ZNF462: variants seen among roughly 807,000 people sequenced by gnomAD.
ZNF462 encodes zinc finger PBX1-interacting protein.
In ZNF462, 10 loss-of-function variants were observed where a neutral mutation model predicts 201.9. That is an observed-to-expected ratio of 0.05 (90% confidence interval 0.03 to 0.08). ZNF462 has a LOEUF of 0.08. Ranked by LOEUF, ZNF462 falls within the 10% of genes least tolerant of loss-of-function variation. ZNF462 has a pLI of 1.00. For synonymous variants in ZNF462, 1,227 were observed against 1,193.3 expected, an observed-to-expected ratio of 1.03 and a Z score of -0.58; for missense variants, 2,523 against 3,168.3, an observed-to-expected ratio of 0.80 and a Z score of 4.89.
Position 106,925,289 on chromosome 9 carries a change from A to G in ZNF462, c.1377A>G (p.Glu459=), listed in dbSNP as rs1374190237. 1 of 1,614,194 alleles carries G rather than the reference A, an allele frequency of 6.2e-7. No homozygotes were observed. The highest frequency in any genetic ancestry group is 1.1e-5 in the South Asian group (1 of 91,074). The change falls in exon 3 of 13, where the codon GAA becomes GAG. Residue 459 remains glutamate, a synonymous_variant. Coordinates refer to ENST00000277225, the MANE Select transcript of ZNF462 (RefSeq NM_021224.6). This position sits in a 1 kb window ranked among gnomAD's most constrained non-coding sequence, Gnocchi z 7.9. ...GACGTAGCATCTCTCGTCACATAGAAAACATCCACTTATCTGGAAAGACAG... is the reference window on the plus strand; with the variant it reads ...GACGTAGCATCTCTCGTCACATAGAGAACATCCACTTATCTGGAAAGACAG... ...MHRRSISRHI[E]NIHLSGKTAV...
chr9:106,860,831 G>A (rs1054196814), upstream of ZNF462, among the ~76,000 whole-genome samples: 3 of 152,242 alleles, frequency 2.0e-5, no homozygotes, highest in South Asian at 6.2e-4. This position sits in a 1 kb window ranked among gnomAD's most constrained non-coding sequence, Gnocchi z 7.1. Context: ...GGGGCAGGAG[G>A]ACTTCCCTAG....
intron 7 of ZNF462, among the ~76,000 whole-genome samples, chr9:106,953,936 T>G (rs1831466446): frequency 6.6e-6 from 1 of 152,196 alleles, no homozygotes; most frequent in Non-Finnish European, 1.5e-5. Context: ...TGTTGTCTGC[T>G]TAGTCCTGAT....
In ZNF462 at chr9:106,880,487, G is replaced by A. The variant is rs1347276779; in HGVS notation, c.-31+17132G>A. Among the ~76,000 whole-genome samples the A allele has an allele frequency of 2.6e-5, 4 of 152,200 alleles. No individual in the cohort carries two copies. The highest frequency in any genetic ancestry group is 2.9e-5 in the Non-Finnish European group (2 of 68,026). On this transcript the variant is annotated intron_variant, in intron 1 of 12. Coordinates refer to ENST00000277225, the MANE Select transcript of ZNF462 (RefSeq NM_021224.6). This position sits in a 1 kb window ranked among gnomAD's most constrained non-coding sequence, Gnocchi z 4.1. ...GAAGTCCAAGGCTCCATTTCATCCC[G>A]TGTAAAACACTCATCTAAAATTAGC...
At chr9:106,861,680 A>AC (rs1827070422), upstream of ZNF462, among the ~76,000 whole-genome samples, 1 of 151,942 alleles carries the variant, frequency 6.6e-6, no homozygotes, top group Admixed American at 6.6e-5. Context: ...ATACTGTAGA[A>AC]CCCCCATCCC....
rs1465686040 is a variant in ZNF462 at position 106,917,346 on chromosome 9, G to A, written c.-30-6008G>A. ...ATCCTAAAATAAAAAGTAACCTGAA[G>A]GCTAGCATCCTTGGCCAGTAGGTGA... On this transcript the variant is annotated intron_variant, in intron 1 of 12. Transcript: ENST00000277225. This position sits in a 1 kb window ranked among gnomAD's most constrained non-coding sequence, Gnocchi z 4.5. 6.6e-6 allele frequency among the ~76,000 whole-genome samples: 1 copy of A among 152,144 alleles called. No homozygotes were observed. The highest frequency in any genetic ancestry group is 6.5e-5 in the Admixed American group (1 of 15,280).
intron 10 of ZNF462, among the ~76,000 whole-genome samples, chr9:106,995,095 GCTGCTTAACTGGCCAGCCACAAA>G (rs1564160784): frequency 3.5e-4 from 53 of 152,252 alleles, no homozygotes; most frequent in African/African-American, 1.2e-3. Context: ...GAGATTGACA[GCTGCTTAACTGGCCAGCCACAAA>G]GCTCTGAGCC....
chr9:107,007,750 G>A (rs998481841), intron 11 of ZNF462, among the ~76,000 whole-genome samples: 1 of 152,174 alleles, frequency 6.6e-6, no homozygotes, highest in Non-Finnish European at 1.5e-5. Flanking sequence ...AGGGCAGGAG[G>A]TGGCTTGCGT....
At chr9:106,903,713 G>T (rs1829152973) in intron 1 of ZNF462, among the ~76,000 whole-genome samples, 1 of 152,158 alleles carries the variant, frequency 6.6e-6, no homozygotes, top group Admixed American at 6.5e-5. Context: ...TTGCTTTAAA[G>T]TTTGTTTTGT....
At chr9:106,934,018 T>C (rs1407897583) in intron 5 of ZNF462, among the ~76,000 whole-genome samples, 1 of 152,202 alleles carries the variant, frequency 6.6e-6, no homozygotes, top group African/African-American at 2.4e-5. Flanking sequence ...TAATTTAAAT[T>C]GCTGGTAAAA....
chr9:106,918,761 C>T (rs1413890151), intron 1 of ZNF462, among the ~76,000 whole-genome samples: 2 of 152,138 alleles, frequency 1.3e-5, no homozygotes, highest in Non-Finnish European at 1.5e-5. Context: ...GATCTTTAGT[C>T]TCTTGATTTT....
In ZNF462 at chr9:106,929,248, A is replaced by G; in HGVS notation, c.5336A>G (p.Lys1779Arg). ...TTGTGCTCTTTCCAGTCGTTCAGCA[A>G]GAAGGGCATCGTGTCCCATTACATG... ...CSLCSFQSFS[K>R]KGIVSHYMKR... is the part of the protein sequence containing the mutation. The change falls in exon 3 of 13, where the codon AAG becomes AGG. Residue 1779 changes from lysine to arginine, a missense_variant. Lys to Arg is a conservative substitution (Grantham distance 26). Transcript: ENST00000277225. This position sits in a 1 kb window ranked among gnomAD's most constrained non-coding sequence, Gnocchi z 8.7. 2 of 1,614,202 alleles carry G rather than the reference A, an allele frequency of 1.2e-6. No individual in the cohort carries two copies. Among genetic ancestry groups the G allele is most frequent in the Non-Finnish European group, 1.7e-6 (2 of 1,180,038 alleles).
At position 106,923,688 on chromosome 9, in the gene ZNF462, C is replaced by T. The variant is rs185367514; in HGVS notation, c.220+85C>T. ...GCCTGTAGCCATGGTTCTTAATATA[C>T]GTGGCTTTTGCAGAGTTTCTTGTGC... On this transcript the variant is annotated intron_variant, in intron 2 of 12. Transcript: ENST00000277225. This position sits in a 1 kb window ranked among gnomAD's most constrained non-coding sequence, Gnocchi z 5.6. 58 of 1,432,662 alleles carry T rather than the reference C, an allele frequency of 4.0e-5. No homozygotes were observed. The highest frequency in any genetic ancestry group is 1.8e-4 in the Admixed American group (10 of 54,664). The allele number at this position is 1,432,662 out of a possible 1,614,324, so 88.7% of individuals were successfully genotyped here.
At chr9:106,862,460 C>T (rs75128206), upstream of ZNF462, among the ~76,000 whole-genome samples, 680 of 152,192 alleles carry the variant, frequency 4.5e-3, 26 homozygotes, top group East Asian at 0.091. This position sits in a 1 kb window ranked among gnomAD's most constrained non-coding sequence, Gnocchi z 4.2. Context: ...CGCCTCGGCC[C>T]GGCGGCCGCG....
At chr9:106,908,926 TATATATA>T (rs1564090732) in intron 1 of ZNF462, among the ~76,000 whole-genome samples, 1 of 34,492 alleles carries the variant, frequency 2.9e-5, no homozygotes, top group African/African-American at 1.8e-4. Context: ...TATATATATA[TATATATA>T]TATATATATT....
chr9:106,900,142 T>C (rs988801850), intron 1 of ZNF462, among the ~76,000 whole-genome samples: 10 of 151,996 alleles, frequency 6.6e-5, no homozygotes, highest in African/African-American at 2.2e-4. Flanking sequence ...GTCTCCAGTC[T>C]TATCCAGGTC....
At chr9:106,943,462 T>G (rs1043162525) in intron 7 of ZNF462, among the ~76,000 whole-genome samples, 2 of 152,218 alleles carry the variant, frequency 1.3e-5, no homozygotes, top group Non-Finnish European at 2.9e-5. Flanking sequence ...TAGCAAATAC[T>G]GACATTCCTA....
rs756395263 is a variant in ZNF462 at position 106,939,026 on chromosome 9, C to T, written c.6346C>T (p.Arg2116Trp). The change falls in exon 7 of 13, where the codon CGG (arginine) becomes TGG (tryptophan). Residue 2116 changes from arginine (R) to tryptophan (W), a missense_variant. By Grantham distance (101) the Arg-to-Trp change is moderately radical. Around this residue, in one of 15 missense-constraint regions of ZNF462, gnomAD observed 138 missense variants for 146.3 expected, o/e 0.94. Transcript: ENST00000277225. ...AAAAGCCCTGACCCTCCCCAGGCCA[C>T]GGATCGTCAGTCTCCTCTCCTCACA... ...HGKALTLPRP[R>W]IVSLLSSHSH... The T allele has an allele frequency of 1.6e-5, 26 of 1,613,880 alleles. 1 individual carries two copies. The highest frequency in any genetic ancestry group is 4.5e-5 in the East Asian group (2 of 44,876).
chr9:106,991,293 A>G (rs1221451029), intron 10 of ZNF462, among the ~76,000 whole-genome samples: 1 of 152,016 alleles, frequency 6.6e-6, no homozygotes, highest in African/African-American at 2.4e-5. Flanking sequence ...AATTTTAAGA[A>G]GATCAGTTTC....
intron 9 of ZNF462, among the ~76,000 whole-genome samples, chr9:106,979,728 G>A (rs1032738492): frequency 3.9e-5 from 6 of 152,108 alleles, no homozygotes; most frequent in Admixed American, 6.5e-5. Flanking sequence ...GATCACCATT[G>A]GAAGCACAAT....
Sources: gnomAD v4.1 joint callset for allele counts (sites outside exome capture counted in the v4.1 genomes callset) on GRCh38, gnomAD v4.1.1 for gene constraint, gnomAD v4.1.1 regional missense constraint, Gnocchi (gnomAD v3.1) non-coding constraint, MANE v1.5 for transcripts, NCBI Gene and HGNC (gene_info 2026-07-23, HGNC 2026-07-21) for gene names.